The following ABTB2 variants were observed in gnomAD, a reference collection of about 807,000 sequenced individuals.
ABTB2 encodes ankyrin repeat and BTB/POZ domain-containing protein 2.
Under a neutral mutation model 104.1 loss-of-function variants are expected in ABTB2, and 56 were observed. The ratio of observed to expected loss-of-function variants is 0.54; its 90% CI spans 0.43 to 0.67. The LOEUF is 0.67. Among genes scored for constraint, ABTB2 ranks in the 30% least tolerant of loss-of-function variants. ABTB2 has a pLI of 0.00. For missense variants in ABTB2, 1,279 were observed against 1,407.7 expected, an observed-to-expected ratio of 0.91 and a Z score of 1.46; for synonymous variants, 606 against 608.2, an observed-to-expected ratio of 1.00 and a Z score of 0.05.
chr11:34,279,787 C>CTTTTT (rs397849748), intron 1 of ABTB2, among the ~76,000 whole-genome samples: 25 of 129,550 alleles, frequency 1.9e-4, no homozygotes, highest in South Asian at 4.9e-4. Flanking sequence ...CTTTCTTCTT[C>CTTTTT]TTTTTTTTTT....
rs768370344 is a variant in ABTB2 at position 34,256,176 on chromosome 11, G to A, written c.884-51486C>T. On this transcript the variant is annotated intron_variant, in intron 1 of 16. Coordinates refer to ENST00000435224, the MANE Select transcript of ABTB2 (RefSeq NM_145804.3). ...ATCATCTACTTGTGGGGGGTGGGGC[G>A]GGGGGCACCTAGAGACAAATAAATC... Among the ~76,000 whole-genome samples, 8 of 151,840 alleles carry A rather than the reference G, an allele frequency of 5.3e-5. 1 individual carries two copies. The highest frequency in any genetic ancestry group is 8.8e-5 in the Non-Finnish European group (6 of 67,972).
intron 1 of ABTB2, among the ~76,000 whole-genome samples, chr11:34,297,842 T>C (rs1469257207): frequency 6.6e-6 from 1 of 150,634 alleles, no homozygotes; most frequent in African/African-American, 2.4e-5. Context: ...GACGTGATGG[T>C]ATTAAAAGGT....
intron 1 of ABTB2, among the ~76,000 whole-genome samples, chr11:34,208,913 C>T (rs60307714): frequency 0.011 from 1,638 of 152,278 alleles, 27 homozygotes; most frequent in African/African-American, 0.037. Context: ...GCAGCCTCCT[C>T]ACCCATCCCC....
At chr11:34,278,462 C>A (rs772741197) in intron 1 of ABTB2, among the ~76,000 whole-genome samples, 1 of 152,134 alleles carries the variant, frequency 6.6e-6, no homozygotes. Flanking sequence ...GGAACCTTTT[C>A]CTGTGCTACA....
chr11:34,348,097 G>C (rs927275089), intron 1 of ABTB2, among the ~76,000 whole-genome samples: 5 of 152,140 alleles, frequency 3.3e-5, no homozygotes, highest in African/African-American at 1.2e-4. Context: ...AAGAAAAGAA[G>C]GGTTGATAGA....
chr11:34,238,935 AG>A (rs1222381932), intron 1 of ABTB2, among the ~76,000 whole-genome samples: 3 of 152,052 alleles, frequency 2.0e-5, no homozygotes, highest in African/African-American at 7.2e-5. Flanking sequence ...TTGTATTTTT[AG>A]TAGAGACGGG....
At chr11:34,155,620 C>T (rs754071891) in intron 14 of ABTB2, among the ~76,000 whole-genome samples, 3 of 152,352 alleles carry the variant, frequency 2.0e-5, no homozygotes, top group South Asian at 4.1e-4. Flanking sequence ...CTGTCAAGAC[C>T]GGCCCTGAGG....
At chr11:34,182,796 C>T (rs1853046551) in intron 3 of ABTB2, among the ~76,000 whole-genome samples, 1 of 152,172 alleles carries the variant, frequency 6.6e-6, no homozygotes, top group South Asian at 2.1e-4. Flanking sequence ...GCAGCTGCCA[C>T]AGTGCCCTGG....
At chr11:34,278,724 G>A (rs556940129) in intron 1 of ABTB2, among the ~76,000 whole-genome samples, 15 of 152,122 alleles carry the variant, frequency 9.9e-5, no homozygotes, top group Non-Finnish European at 1.6e-4. Context: ...TTCTTTCCAG[G>A]TCTCCAAAAT....
intron 1 of ABTB2, among the ~76,000 whole-genome samples, chr11:34,226,342 T>G (rs1016670570): frequency 6.6e-6 from 1 of 152,052 alleles, no homozygotes; most frequent in Admixed American, 6.6e-5. Flanking sequence ...GAAGGGATGT[T>G]TTAAAAGAGG....
intron 3 of ABTB2, among the ~76,000 whole-genome samples, chr11:34,177,111 C>T (rs1293842690): frequency 6.6e-6 from 1 of 152,194 alleles, no homozygotes. Context: ...AGCCATTCTT[C>T]CCTATTGTGG....
At chr11:34,166,231 A>G (rs1350671449) in intron 7 of ABTB2, among the ~76,000 whole-genome samples, 1 of 152,236 alleles carries the variant, frequency 6.6e-6, no homozygotes, top group Non-Finnish European at 1.5e-5. Context: ...CCTGGATACC[A>G]GGAGTGGAGT....
At chr11:34,246,083 G>A (rs1853980224) in intron 1 of ABTB2, among the ~76,000 whole-genome samples, 1 of 152,198 alleles carries the variant, frequency 6.6e-6, no homozygotes, top group African/African-American at 2.4e-5. Context: ...GGGGCGTGGG[G>A]CCTGCTGGAT....
At chr11:34,254,797 G>A (rs550902704) in intron 1 of ABTB2, among the ~76,000 whole-genome samples, 36 of 148,440 alleles carry the variant, frequency 2.4e-4, no homozygotes, top group African/African-American at 8.4e-4. Flanking sequence ...TCAGCCTCCC[G>A]AGTAGCTGGA....
chr11:34,229,286 T>C (rs1056172055), intron 1 of ABTB2, among the ~76,000 whole-genome samples: 11 of 151,368 alleles, frequency 7.3e-5, no homozygotes, highest in Admixed American at 4.6e-4. Flanking sequence ...ATCAAGACCA[T>C]CCTGGCTAAC....
intron 1 of ABTB2, among the ~76,000 whole-genome samples, chr11:34,301,654 C>T (rs1854707757): frequency 6.6e-6 from 1 of 152,192 alleles, no homozygotes. Flanking sequence ...CTTCAGTTTC[C>T]TCTTGCTACG....
chr11:34,271,714 CAG>C (rs1427982563), intron 1 of ABTB2, among the ~76,000 whole-genome samples: 38 of 152,020 alleles, frequency 2.5e-4, no homozygotes, highest in Non-Finnish European at 5.0e-4. Context: ...GCTTAGGCGA[CAG>C]AGTGAGACCC....
chr11:34,356,812 C>T lies in ABTB2; in HGVS notation c.772G>A (p.Gly258Arg), dbSNP rs971123896. 2 of 1,607,440 alleles carry T rather than the reference C, an allele frequency of 1.2e-6. No individual in the cohort carries two copies. Among genetic ancestry groups the T allele is most frequent in the Non-Finnish European group, 1.7e-6 (2 of 1,177,028 alleles). The change falls in exon 1 of 17, where the codon GGA (glycine) becomes AGA (arginine). Residue 258 changes from glycine (G) to arginine (R), a missense_variant. Physicochemically the swap from Gly to Arg is moderately radical, Grantham distance 125. Coordinates refer to ENST00000435224, the MANE Select transcript of ABTB2 (RefSeq NM_145804.3). The surrounding 1 kb of genome is among the most constrained non-coding windows in gnomAD (Gnocchi z 4.6). ...GCCTCAGCAGACACCTCCCCGCCTC[C>T]GGCCCCTCCGCCATCAGGGCTGTGG... is the stretch of plus-strand genomic sequence containing the variant. ...ASHSPDGGGA[G>R]GGEVSAEALE...
intron 1 of ABTB2, among the ~76,000 whole-genome samples, chr11:34,282,542 T>C (rs973433264): frequency 1.3e-5 from 2 of 152,176 alleles, no homozygotes; most frequent in Non-Finnish European, 2.9e-5. Context: ...TTCTTTTTTT[T>C]TGGAGACAGA....
Sources: gnomAD v4.1 joint callset for allele counts (sites outside exome capture counted in the v4.1 genomes callset) on GRCh38, gnomAD v4.1.1 for gene constraint, Gnocchi (gnomAD v3.1) non-coding constraint, MANE v1.5 for transcripts, NCBI Gene and HGNC (gene_info 2026-07-23, HGNC 2026-07-21) for gene names.